CNTLN: variants seen among roughly 807,000 people sequenced by gnomAD.
CNTLN encodes the protein centlein, centrosomal protein.
In CNTLN, 212 loss-of-function variants were observed where a neutral mutation model predicts 180.0. The observed-to-expected ratio is 1.18, with a 90% CI of 1.05 to 1.32. CNTLN has a LOEUF of 1.32. CNTLN is among the 40% of genes most tolerant of loss of function. The probability of loss-of-function intolerance (pLI) is 0.00; values close to 1 mark genes in which losing one functional copy is unlikely to be tolerated. For missense variants in CNTLN, 2,095 were observed against 1,610.9 expected, an observed-to-expected ratio of 1.30 and a Z score of -5.14; for synonymous variants, 722 against 563.1, an observed-to-expected ratio of 1.28 and a Z score of -3.99.
chr9:17,414,735 T>C (rs1291479908), intron 16 of CNTLN, among the ~76,000 whole-genome samples: 1 of 152,190 alleles, frequency 6.6e-6, no homozygotes, highest in African/African-American at 2.4e-5. Context: ...TTTTAAAAAG[T>C]TCTTTTTAAA....
chr9:17,356,050 C>T lies in CNTLN; in HGVS notation c.1887-10567C>T, dbSNP rs1418899674. Among the ~76,000 whole-genome samples the T allele has an allele frequency of 4.1e-5, 5 of 122,768 alleles. No individual in the cohort carries two copies. In the South Asian group the frequency reaches 8.0e-4, roughly 20 times the overall value. The allele number at this position is 122,768 out of a possible 152,430, so 80.5% of individuals were successfully genotyped here. The stretch of plus-strand genomic sequence containing the variant: ...CTGCACTCCAGCCTGGGCAACAAAG[C>T]GAGACTCCATCTCAAAAAAAAAAAA... On this transcript the variant is annotated intron_variant, in intron 12 of 25. Transcript: ENST00000380647.
intron 18 of CNTLN, among the ~76,000 whole-genome samples, chr9:17,454,223 A>G (rs1174988877): frequency 6.6e-6 from 1 of 152,112 alleles, no homozygotes; most frequent in Admixed American, 6.5e-5. Context: ...TTAAATTTAA[A>G]TAAATTATTA....
At position 17,466,687 on chromosome 9, in the gene CNTLN, G is replaced by T; in HGVS notation, c.3670-19G>T. On this transcript the variant is annotated intron_variant, in intron 22 of 25. Transcript: ENST00000380647. ...GTTTATAAAATATCTTTTATTTTATGACTGCTGATCTTTTGCAGGATCTCA... is the reference window on the plus strand; with the variant it reads ...GTTTATAAAATATCTTTTATTTTATTACTGCTGATCTTTTGCAGGATCTCA... 6.3e-7 allele frequency: 1 copy of T among 1,584,182 alleles called. No individual in the cohort carries two copies. The highest frequency in any genetic ancestry group is 1.2e-5 in the South Asian group (1 of 85,740).
intron 6 of CNTLN, among the ~76,000 whole-genome samples, chr9:17,295,024 TG>T (rs1406569252): frequency 6.6e-6 from 1 of 151,190 alleles, no homozygotes; most frequent in African/African-American, 2.4e-5. Context: ...GCAGCGCCGG[TG>T]GGCCAACACT....
chr9:17,260,719 G>T (rs1033832355), intron 5 of CNTLN, among the ~76,000 whole-genome samples: 3 of 151,370 alleles, frequency 2.0e-5, no homozygotes, highest in Admixed American at 6.6e-5. Context: ...GTCAATTTTT[G>T]TTGCAGTTGC....
intron 6 of CNTLN, among the ~76,000 whole-genome samples, chr9:17,286,127 T>C (rs1828966128): frequency 1.2e-5 from 1 of 80,970 alleles, no homozygotes; most frequent in Non-Finnish European, 2.2e-5. Flanking sequence ...TCTAGGGTTT[T>C]TATGGTTTTA....
Position 17,416,061 on chromosome 9 carries a change from A to C in CNTLN, c.2986A>C (p.Ser996Arg). 1 of 1,613,656 alleles carries C rather than the reference A, an allele frequency of 6.2e-7. No individual in the cohort carries two copies. The highest frequency in any genetic ancestry group is 8.5e-7 in the Non-Finnish European group (1 of 1,179,694). The stretch of plus-strand genomic sequence containing the variant: ...GATTATATCCTTGCAACAACAAAAC[A>C]GTGTACTTCAGAATGCCAAGAAAAC... ...ERIISLQQQN[S>R]VLQNAKKTAE... Residue 996 changes from serine (S) to arginine (R), a missense_variant, in exon 18 of 26, where the codon AGT (serine) becomes CGT (arginine). Ser to Arg is a moderately radical substitution (Grantham distance 110). Coordinates refer to ENST00000380647, the MANE Select transcript of CNTLN (RefSeq NM_017738.4).
At chr9:17,380,231 A>T (rs974077982) in intron 13 of CNTLN, among the ~76,000 whole-genome samples, 2 of 152,172 alleles carry the variant, frequency 1.3e-5, no homozygotes, top group Admixed American at 1.3e-4. Context: ...GATAGACCTG[A>T]GGCATTGGGG....
intron 8 of CNTLN, among the ~76,000 whole-genome samples, chr9:17,319,549 A>G (rs1279589176): frequency 1.3e-5 from 2 of 152,212 alleles, no homozygotes; most frequent in Non-Finnish European, 2.9e-5. Flanking sequence ...GGATAAAAAC[A>G]TAGATTCTAG....
chr9:17,352,951 C>T (rs942996626), intron 12 of CNTLN, among the ~76,000 whole-genome samples: 1 of 152,148 alleles, frequency 6.6e-6, no homozygotes, highest in African/African-American at 2.4e-5. Context: ...TTTGTTTCTC[C>T]ATTAATCCCT....
rs564898276 is a variant in CNTLN at position 17,489,710 on chromosome 9, T to C, written c.4119+2644T>C. 3.5e-3 allele frequency among the ~76,000 whole-genome samples: 540 copies of C among 152,258 alleles called. 3 individuals carry two copies. Among genetic ancestry groups the C allele is most frequent in the Non-Finnish European group, 4.4e-3 (299 of 68,004 alleles). On this transcript the variant is annotated intron_variant, in intron 25 of 25. Coordinates refer to ENST00000380647, the MANE Select transcript of CNTLN (RefSeq NM_017738.4). The stretch of plus-strand genomic sequence containing the variant: ...ACTGCTGTTGTTAGCTACAAGTGCA[T>C]GAGAACTAAAAGGTCTAAAATTTTA...
chr9:17,355,731 T>C (rs1026472975), intron 12 of CNTLN, among the ~76,000 whole-genome samples: 2 of 152,182 alleles, frequency 1.3e-5, no homozygotes, highest in Non-Finnish European at 2.9e-5. Context: ...ATTAATGAGA[T>C]TGATTAATAA....
chr9:17,416,310 A>C, intron 18 of CNTLN, 121 bp downstream of exon 18: 1 of 774,378 alleles, frequency 1.3e-6, no homozygotes, highest in Non-Finnish European at 2.0e-6. Context: ...AAAAAATCCC[A>C]GGCACTGTTT....
chr9:17,390,666 C>T (rs1328728116), intron 14 of CNTLN, among the ~76,000 whole-genome samples: 1 of 152,110 alleles, frequency 6.6e-6, no homozygotes. Context: ...CTTTCATTCT[C>T]AAATATGTAT....
intron 5 of CNTLN, among the ~76,000 whole-genome samples, chr9:17,271,100 G>A (rs1176366187): frequency 6.6e-6 from 1 of 151,774 alleles, no homozygotes; most frequent in Admixed American, 6.6e-5. Flanking sequence ...ACAGGCACCC[G>A]CCACCACGCC....
the CNTLN span, among the ~76,000 whole-genome samples, chr9:17,525,174 T>C: frequency 6.6e-6 from 1 of 152,230 alleles, no homozygotes; most frequent in African/African-American, 2.4e-5. Flanking sequence ...ACCATAAAAA[T>C]GACCAAAATA....
intron 2 of CNTLN, among the ~76,000 whole-genome samples, chr9:17,210,378 A>G (rs1014142597): frequency 6.6e-6 from 1 of 152,148 alleles, no homozygotes; most frequent in Non-Finnish European, 1.5e-5. Context: ...CCATGTCCCT[A>G]CAAAGGACAT....
intron 10 of CNTLN, among the ~76,000 whole-genome samples, chr9:17,336,543 CT>C (rs1821050900): frequency 6.6e-6 from 1 of 152,056 alleles, no homozygotes; most frequent in Non-Finnish European, 1.5e-5. Flanking sequence ...AAGATTTTTT[CT>C]TATGAATTAT....
chr9:17,308,237 AATTT>A (rs3840728), intron 7 of CNTLN, among the ~76,000 whole-genome samples: 30,195 of 151,884 alleles, frequency 0.2, 3,670 homozygotes, highest in African/African-American at 0.34. Flanking sequence ...AATAAACTTA[AATTT>A]ATTTAATGCA....
Sources: gnomAD v4.1 joint callset for allele counts (sites outside exome capture counted in the v4.1 genomes callset) on GRCh38, gnomAD v4.1.1 for gene constraint, MANE v1.5 for transcripts, NCBI Gene and HGNC (gene_info 2026-07-23, HGNC 2026-07-21) for gene names.